The following NRF1 variants were observed in gnomAD, a reference collection of about 807,000 sequenced individuals.
The protein encoded by NRF1 is alpha palindromic-binding protein.
Under a neutral mutation model 58.5 loss-of-function variants are expected in NRF1, and 5 were observed. The ratio of observed to expected loss-of-function variants is 0.09; its 90% CI spans 0.04 to 0.18. NRF1 has a LOEUF of 0.18. NRF1 is among the 10% of genes least tolerant of loss of function. The probability of loss-of-function intolerance (pLI) is 1.00; values close to 1 mark genes in which losing one functional copy is unlikely to be tolerated. For missense variants in NRF1, 288 were observed against 657.7 expected (o/e 0.44, Z 6.15); for synonymous variants, 224 against 246.7 (o/e 0.91, Z 0.86).
intron 1 of NRF1, among the ~76,000 whole-genome samples, chr7:129,651,862 A>T (rs1801545817): frequency 6.6e-6 from 1 of 152,232 alleles, no homozygotes; most frequent in Non-Finnish European, 1.5e-5. Flanking sequence ...AAAACAGGAT[A>T]TGGAAGGGTA....
chr7:129,667,111 G>A (rs1801940539), intron 2 of NRF1, among the ~76,000 whole-genome samples: 4 of 152,296 alleles, frequency 2.6e-5, no homozygotes, highest in East Asian at 3.9e-4. Context: ...GATATACCCA[G>A]GAGGGGAATT....
At chr7:129,628,611 G>T (rs1329934351) in intron 1 of NRF1, among the ~76,000 whole-genome samples, 1 of 152,162 alleles carries the variant, frequency 6.6e-6, no homozygotes, top group Non-Finnish European at 1.5e-5. Context: ...AGTCTCATCT[G>T]CTTTTGCACT....
intron 10 of NRF1, among the ~76,000 whole-genome samples, chr7:129,745,770 C>G (rs1803962420): frequency 2.0e-5 from 3 of 152,192 alleles, no homozygotes; most frequent in Admixed American, 6.5e-5. Flanking sequence ...TTTCATAACG[C>G]TCCTGGGCAT....
chr7:129,727,135 A>G, intron 9 of NRF1, 106 bp from the exon 10 acceptor site: 3 of 1,214,002 alleles, frequency 2.5e-6, no homozygotes, highest in Non-Finnish European at 3.3e-6. Flanking sequence ...GATCACAACC[A>G]TGGAGTCAGT....
At chr7:129,635,949 CCTT>C in intron 1 of NRF1, among the ~76,000 whole-genome samples, 1 of 152,018 alleles carries the variant, frequency 6.6e-6, no homozygotes, top group East Asian at 1.9e-4. Flanking sequence ...TTCCTAAAGT[CCTT>C]CTTTAGATTT....
At chr7:129,750,707 C>A (rs1447752278) in intron 10 of NRF1, among the ~76,000 whole-genome samples, 3 of 152,196 alleles carry the variant, frequency 2.0e-5, no homozygotes, top group Non-Finnish European at 2.9e-5. Flanking sequence ...CCAGGTGTGG[C>A]CAAATATGCT....
chr7:129,632,780 A>G (rs965756996), intron 1 of NRF1, among the ~76,000 whole-genome samples: 4 of 152,214 alleles, frequency 2.6e-5, no homozygotes, highest in Non-Finnish European at 5.9e-5. Context: ...TAGATATTTG[A>G]TATAATGGAG....
At chr7:129,725,609 G>T (rs1803434832) in intron 9 of NRF1, among the ~76,000 whole-genome samples, 1 of 152,178 alleles carries the variant, frequency 6.6e-6, no homozygotes, top group African/African-American at 2.4e-5. Context: ...TTACAGGCGT[G>T]AGCCACCATG....
In NRF1 at chr7:129,706,550, C is replaced by G. The variant is rs576907467; in HGVS notation, c.607-2525C>G. On this transcript the variant is annotated intron_variant, in intron 5 of 10. Transcript: ENST00000393232. ...CTTTGACATTTTTAGTTTGAGTGGC[C>G]GGGGAAAGGGTGGTTTTCTACTTGC... Among the ~76,000 whole-genome samples, 3 of 152,056 alleles carry G rather than the reference C, an allele frequency of 2.0e-5. No homozygotes were observed. The East Asian group carries it at 5.8e-4, about 29-fold the overall frequency.
chr7:129,668,385 A>G (rs1801969308), intron 2 of NRF1, among the ~76,000 whole-genome samples: 1 of 152,262 alleles, frequency 6.6e-6, no homozygotes, highest in South Asian at 2.1e-4. Context: ...AATATGTGGT[A>G]GGATGAATGC....
At chr7:129,632,466 A>G (rs1255506589) in intron 1 of NRF1, among the ~76,000 whole-genome samples, 1 of 152,218 alleles carries the variant, frequency 6.6e-6, no homozygotes, top group East Asian at 1.9e-4. Flanking sequence ...AATAAATTCC[A>G]TATACCTACT....
At chr7:129,619,739 T>TG (rs1008632698) in intron 1 of NRF1, among the ~76,000 whole-genome samples, 6 of 148,286 alleles carry the variant, frequency 4.0e-5, no homozygotes, top group South Asian at 2.1e-4. Context: ...TTGGGTTGTT[T>TG]TTTTTTTTTT....
At chr7:129,633,313 G>A (rs369461993) in intron 1 of NRF1, 1 of 152,156 alleles carries the variant, frequency 6.6e-6, no homozygotes, top group Non-Finnish European at 1.5e-5. Context: ...AAAATAAAAA[G>A]CCTACAAGTA....
At chr7:129,716,610 C>A (rs1169860385) in intron 8 of NRF1, among the ~76,000 whole-genome samples, 1 of 152,092 alleles carries the variant, frequency 6.6e-6, no homozygotes, top group African/African-American at 2.4e-5. Flanking sequence ...GTGACTCATG[C>A]CTGTAATCCC....
chr7:129,694,939 T>C (rs1802653481), intron 5 of NRF1, among the ~76,000 whole-genome samples: 1 of 152,144 alleles, frequency 6.6e-6, no homozygotes, highest in Non-Finnish European at 1.5e-5. Context: ...TTGGGAACAA[T>C]GTGATTGGTT....
intron 9 of NRF1, among the ~76,000 whole-genome samples, chr7:129,722,393 GAA>G (rs113582154): frequency 1.5e-5 from 2 of 129,998 alleles, no homozygotes; most frequent in Middle Eastern, 3.9e-3. Flanking sequence ...CTCCGTCTCA[GAA>G]AAAAAAAAAA....
intron 1 of NRF1, among the ~76,000 whole-genome samples, chr7:129,617,426 T>C (rs77456054): frequency 0.023 from 3,563 of 151,982 alleles, 142 homozygotes; most frequent in African/African-American, 0.082. Context: ...AAATGGGGAG[T>C]TGGGGACTAG....
At chr7:129,725,400 C>T (rs2116244448) in intron 9 of NRF1, among the ~76,000 whole-genome samples, 1 of 151,438 alleles carries the variant, frequency 6.6e-6, no homozygotes, top group South Asian at 2.1e-4. Flanking sequence ...TGATATCGGC[C>T]CACTGCAATC....
At chr7:129,656,586 T>C (rs1452317379) in intron 1 of NRF1, among the ~76,000 whole-genome samples, 1 of 151,982 alleles carries the variant, frequency 6.6e-6, no homozygotes, top group African/African-American at 2.4e-5. Context: ...GGTGTTTGTT[T>C]GTTTTTGAGA....
Sources: gnomAD v4.1 joint callset for allele counts (sites outside exome capture counted in the v4.1 genomes callset) on GRCh38, gnomAD v4.1.1 for gene constraint, MANE v1.5 for transcripts, NCBI Gene and HGNC (gene_info 2026-07-23, HGNC 2026-07-21) for gene names.